The following SMPD1 variants were observed in gnomAD, a reference collection of about 807,000 sequenced individuals.
The protein encoded by SMPD1 is sphingomyelin phosphodiesterase.
Under a neutral mutation model 49.7 loss-of-function variants are expected in SMPD1, and 47 were observed. The observed-to-expected ratio is 0.95, with a 90% CI of 0.75 to 1.21. The LOEUF (loss-of-function observed/expected upper bound fraction) is 1.21, where lower values mean the gene tolerates loss of function less well. SMPD1 is among the 50% of genes most tolerant of loss of function. The probability of loss-of-function intolerance (pLI) is 0.00; values close to 1 mark genes in which losing one functional copy is unlikely to be tolerated. For missense variants in SMPD1, 811 were observed against 822.2 expected, an observed-to-expected ratio of 0.99 and a Z score of 0.17; for synonymous variants, 336 against 339.6, an observed-to-expected ratio of 0.99 and a Z score of 0.12.
At position 6,390,764 on chromosome 11, in the gene SMPD1, T is replaced by C. The variant is rs779741971; in HGVS notation, c.166T>C (p.Trp56Arg). Reference sequence around the variant, plus strand: ...GGCTCTGTCTGACTCTCGGGTTCTCTGGGCTCCGGCAGAGGCTCACCCTCT... The same window carrying C: ...GGCTCTGTCTGACTCTCGGGTTCTCCGGGCTCCGGCAGAGGCTCACCCTCT... Reference protein sequence around the residue: ...ALALSDSRVLWAPAEAHPLSP... With the variant: ...ALALSDSRVLRAPAEAHPLSP... The change falls in exon 1 of 6, where the codon TGG becomes CGG. Residue 56 changes from tryptophan to arginine, a missense_variant. Physicochemically the swap from Trp to Arg is moderately radical, Grantham distance 101. Transcript: ENST00000342245. 1.4e-5 allele frequency: 23 copies of C among 1,613,538 alleles called. No individual in the cohort carries two copies. Among genetic ancestry groups the C allele is most frequent in the Non-Finnish European group, 1.9e-5 (23 of 1,179,844 alleles).
In SMPD1 at chr11:6,390,821, C is replaced by A. The variant is rs753287070; in HGVS notation, c.223C>A (p.Arg75Ser). ...SPQGHPARLH[R>S]IVPRLRDVFG... ...CCAAGGCCATCCTGCCAGGTTACAT[C>A]GCATAGTGCCCCGGCTCCGAGATGT... The change falls in exon 1 of 6, where the codon CGC becomes AGC. Residue 75 changes from arginine to serine, a missense_variant. Physicochemically the swap from Arg to Ser is moderately radical, Grantham distance 110. Transcript: ENST00000342245. The A allele has an allele frequency of 2.5e-6, 4 of 1,614,160 alleles. No individual in the cohort carries two copies. The highest frequency in any genetic ancestry group is 2.2e-5 in the South Asian group (2 of 91,082).
In SMPD1 at chr11:6,391,622, C is replaced by T. The variant is rs1057517195; in HGVS notation, c.557C>T (p.Pro186Leu). 3.9e-5 allele frequency: 61 copies of T among 1,558,130 alleles called. No homozygotes were observed. Among genetic ancestry groups the T allele is most frequent in the Admixed American group, 5.7e-5 (3 of 52,700 alleles). Residue 186 changes from proline to leucine, a missense_variant, in exon 2 of 6, where the codon CCG becomes CTG. Physicochemically the swap from Pro to Leu is moderately conservative, Grantham distance 98. Coordinates refer to ENST00000342245, the MANE Select transcript of SMPD1 (RefSeq NM_000543.5). ...ATCTCTTTGCCTACTGTGCCGAAGC[C>T]GCCCCCCAAACCCCCTAGCCCCCCA... is the stretch of plus-strand genomic sequence containing the variant. ...WNISLPTVPK[P>L]PPKPPSPPAP...
chr11:6,390,896 G>A lies in SMPD1; in HGVS notation c.298G>A (p.Ala100Thr). ...CCCAATCTGCAAAGGTCTATTCACC[G>A]CCATCAACCTCGGGCTGAAGGTGAG... ...TCPICKGLFTAINLGLKKEPN... is the reference protein window; with the variant it reads ...TCPICKGLFTTINLGLKKEPN... The change falls in exon 1 of 6, where the codon GCC becomes ACC. Residue 100 changes from alanine to threonine, a missense_variant. Coordinates refer to ENST00000342245, the MANE Select transcript of SMPD1 (RefSeq NM_000543.5). The A allele has an allele frequency of 6.2e-7, 1 of 1,614,174 alleles. No homozygotes were observed. The highest frequency in any genetic ancestry group is 8.5e-7 in the Non-Finnish European group (1 of 1,180,026).
At chr11:6,392,240 T>C (rs917162640) in intron 2 of SMPD1, 84 bp downstream of exon 2, 4 of 1,484,222 alleles carry the variant, frequency 2.7e-6, no homozygotes, top group Middle Eastern at 1.7e-4. Context: ...GCATTGTCTC[T>C]GATTGCTCTA....
Position 6,394,261 on chromosome 11 carries a change from A to T in SMPD1, c.1550A>T (p.Glu517Val), listed in dbSNP as rs142787001. 5,315 of 1,614,192 alleles carry T rather than the reference A, an allele frequency of 3.3e-3. 11 individuals are homozygous for T. The highest frequency in any genetic ancestry group is 4.0e-3 in the Non-Finnish European group (4,739 of 1,180,020). The change falls in exon 6 of 6, where the codon GAG becomes GTG. Residue 517 changes from glutamate (E) to valine (V), a missense_variant. Glu to Val is a moderately radical substitution (Grantham distance 121). Transcript: ENST00000342245. ...AGCTCTCACGTGGTCCTGGACCATGAGACCTACATCCTGAATCTGACCCAG... is the reference window on the plus strand; with the variant it reads ...AGCTCTCACGTGGTCCTGGACCATGTGACCTACATCCTGAATCTGACCCAG... ...SGSSHVVLDH[E>V]TYILNLTQAN...
intron 1 of SMPD1, 42 bp downstream of exon 1, chr11:6,390,958 TGCTGGGGCTGGGG>T: frequency 6.2e-7 from 1 of 1,609,256 alleles, no homozygotes; most frequent in Non-Finnish European, 8.5e-7. Context: ...CCGAAAGGAG[TGCTGGGGCTGGGG>T]GCTGGGGCTG....
rs750157176 is a variant in SMPD1, at chr11:6,390,677, G to GC, written c.84dup (p.Gly29ArgfsTer23). The GC allele has an allele frequency of 6.2e-7, 1 of 1,611,776 alleles. No individual in the cohort carries two copies. Among genetic ancestry groups the GC allele is most frequent in the Non-Finnish European group, 8.5e-7 (1 of 1,178,988 alleles). On this transcript the variant is annotated frameshift_variant, in exon 1 of 6. Coordinates refer to ENST00000342245, the MANE Select transcript of SMPD1 (RefSeq NM_000543.5). LOFTEE classifies it high-confidence loss of function. ...GCAGGGACAAGACGGGACCGCCGGA[G>GC]CCCCCGGACTCCTTTGGATGGGCCT...
chr11:6,392,194 A>C, intron 2 of SMPD1, 38 bp downstream of exon 2: 1 of 1,613,496 alleles, frequency 6.2e-7, no homozygotes, highest in Non-Finnish European at 8.5e-7. Flanking sequence ...AGGGAAAAGA[A>C]AGGTGAATGA....
In SMPD1 at chr11:6,391,942, G is replaced by T; in HGVS notation, c.877G>T (p.Asp293Tyr). 4 of 1,614,216 alleles carry T rather than the reference G, an allele frequency of 2.5e-6. No homozygotes were observed. Among genetic ancestry groups the T allele is most frequent in the Non-Finnish European group, 3.4e-6 (4 of 1,180,034 alleles). Residue 293 changes from aspartate to tyrosine, a missense_variant, in exon 2 of 6, where the codon GAC (aspartate) becomes TAC (tyrosine). Physicochemically the swap from Asp to Tyr is radical, Grantham distance 160. Transcript: ENST00000342245. ...TGATGTCTGGCACCAGACTCGTCAG[G>T]ACCAACTGCGGGCCCTGACCACCGT... ...AHDVWHQTRQ[D>Y]QLRALTTVTA...
chr11:6,393,796 G>T, intron 4 of SMPD1, 100 bp from the exon 5 acceptor site: 1 of 1,536,566 alleles, frequency 6.5e-7, no homozygotes, highest in Non-Finnish European at 9.0e-7. Context: ...GAGTGGGGAG[G>T]CTCCTCACTA....
chr11:6,391,083 C>T (rs533958812), intron 1 of SMPD1, among the ~76,000 whole-genome samples, 167 bp downstream of exon 1: 2 of 152,162 alleles, frequency 1.3e-5, no homozygotes, highest in African/African-American at 2.4e-5. Flanking sequence ...TGGCTACATG[C>T]CACCATCACC....
Position 6,391,937 on chromosome 11 carries a change from G to A in SMPD1, c.872G>A (p.Arg291His), listed in dbSNP as rs1803161. The change falls in exon 2 of 6, where the codon CGT (arginine) becomes CAT (histidine). Residue 291 changes from arginine (R) to histidine (H), a missense_variant. Transcript: ENST00000342245. ...IPAHDVWHQT[R>H]QDQLRALTTV... ...GCACATGATGTCTGGCACCAGACTCGTCAGGACCAACTGCGGGCCCTGACC... is the reference window on the plus strand; with the variant it reads ...GCACATGATGTCTGGCACCAGACTCATCAGGACCAACTGCGGGCCCTGACC... The A allele has an allele frequency of 1.8e-3, 2,884 of 1,614,214 alleles. 3 individuals carry two copies. The highest frequency in any genetic ancestry group is 2.3e-3 in the Non-Finnish European group (2,747 of 1,180,032).
rs281860668 is a variant in SMPD1, at chr11:6,392,091, G to C, written c.1026G>C (p.Trp342Cys). ...TTGAGGGCAACCACTCCTCCCGCTGGCTCTATGAAGCGATGGCCAAGGCTT... is the reference window on the plus strand; with the variant it reads ...TTGAGGGCAACCACTCCTCCCGCTGCCTCTATGAAGCGATGGCCAAGGCTT... Reference protein sequence around the residue: ...PFIEGNHSSRWLYEAMAKAWE... With the variant: ...PFIEGNHSSRCLYEAMAKAWE... Residue 342 changes from tryptophan to cysteine, a missense_variant, in exon 2 of 6, where the codon TGG becomes TGC. Physicochemically the swap from Trp to Cys is radical, Grantham distance 215. Coordinates refer to ENST00000342245, the MANE Select transcript of SMPD1 (RefSeq NM_000543.5). 5 of 1,614,104 alleles carry C rather than the reference G, an allele frequency of 3.1e-6. No homozygotes were observed. Among genetic ancestry groups the C allele is most frequent in the Non-Finnish European group, 4.2e-6 (5 of 1,180,010 alleles).
intron 1 of SMPD1, 132 bp downstream of exon 1, chr11:6,391,048 GT>G (rs1847887927): frequency 8.2e-7 from 1 of 1,225,506 alleles, no homozygotes; most frequent in South Asian, 1.3e-5. Context: ...CCATCACTGA[GT>G]TTGCTCCCCT....
At position 6,394,441 on chromosome 11, in the gene SMPD1, A is replaced by G. The variant is rs1554935669; in HGVS notation, c.1730A>G (p.His577Arg). 3 of 1,614,054 alleles carry G rather than the reference A, an allele frequency of 1.9e-6. No homozygotes were observed. Among genetic ancestry groups the G allele is most frequent in the Non-Finnish European group, 2.5e-6 (3 of 1,180,024 alleles). The change falls in exon 6 of 6, where the codon CAT becomes CGT. Residue 577 changes from histidine (H) to arginine (R), a missense_variant. Transcript: ENST00000342245. The stretch of plus-strand genomic sequence containing the variant: ...TTCCAGACCTTCTGGTTTCTCTACC[A>G]TAAGGGCCACCCACCCTCGGAGCCC... ...QLFQTFWFLYHKGHPPSEPCG... is the reference protein window; with the variant it reads ...QLFQTFWFLYRKGHPPSEPCG...
chr11:6,393,801 T>G (rs1848052684), intron 4 of SMPD1, 95 bp from the exon 5 acceptor site: 1 of 1,550,384 alleles, frequency 6.5e-7, no homozygotes, highest in African/African-American at 1.4e-5. Flanking sequence ...GGGAGGCTCC[T>G]CACTAGAACA....
intron 1 of SMPD1, 21 bp downstream of exon 1, chr11:6,390,937 A>G (rs372368356): frequency 1.8e-4 from 287 of 1,613,384 alleles, no homozygotes; most frequent in Non-Finnish European, 2.3e-4. Context: ...AAGGGGCTGC[A>G]GTGGAGGAGG....
Position 6,390,554 on chromosome 11 carries a change from G to T in SMPD1, c.-45G>T, listed in dbSNP as rs79282481. 20 of 1,595,466 alleles carry T rather than the reference G, an allele frequency of 1.3e-5. No individual in the cohort carries two copies. In the East Asian group the frequency reaches 2.3e-4, roughly 18 times the overall value. Reference sequence around the variant, plus strand: ...TGAGGGCTGGCTAGGGTCCAGGCCGGGGGGGACGGGACAGACGAACCAGCC... The same window carrying T: ...TGAGGGCTGGCTAGGGTCCAGGCCGTGGGGGACGGGACAGACGAACCAGCC... On this transcript the variant is annotated 5_prime_UTR_variant, in exon 1 of 6. Transcript: ENST00000342245.
Position 6,390,712 on chromosome 11 carries a change from G to T in SMPD1, c.114G>T (p.Ala38=), listed in dbSNP as rs1195507316. ...TCCTTTGGATGGGCCTGGTGCTGGC[G>T]CTGGCGCTGGCGCTGGCGCTGGCGC... is the stretch of plus-strand genomic sequence containing the variant. The part of the protein sequence containing the change: ...PGLLWMGLVL[A]LALALALALA... Residue 38 remains alanine (A), a synonymous_variant, in exon 1 of 6, where the codon GCG becomes GCT. Coordinates refer to ENST00000342245, the MANE Select transcript of SMPD1 (RefSeq NM_000543.5). 1 of 1,227,678 alleles carries T rather than the reference G, an allele frequency of 8.1e-7. No homozygotes were observed. The highest frequency in any genetic ancestry group is 2.8e-5 in the East Asian group (1 of 35,738). 76.0% of individuals were successfully genotyped at this position (1,227,678 alleles called of 1,614,324 possible).
Sources: gnomAD v4.1 joint callset for allele counts (sites outside exome capture counted in the v4.1 genomes callset) on GRCh38, gnomAD v4.1.1 for gene constraint, MANE v1.5 for transcripts, NCBI Gene and HGNC (gene_info 2026-07-23, HGNC 2026-07-21) for gene names.